Variants in MAN1A1 observed in about 807,000 individuals in gnomAD.
MAN1A1 encodes the protein mannosyl-oligosaccharide 1,2-alpha-mannosidase IA.
A neutral mutation model predicts 70.8 loss-of-function variants in MAN1A1; 29 were observed. That is an observed-to-expected ratio of 0.41 (90% confidence interval 0.31 to 0.56). MAN1A1 has a LOEUF of 0.56. MAN1A1 is among the 20% of genes least tolerant of loss of function. The pLI is 0.29. For missense variants in MAN1A1, 747 were observed against 841.3 expected (o/e 0.89, Z 1.39); for synonymous variants, 349 against 330.1 (o/e 1.06, Z -0.62).
rs182151848 is a variant in MAN1A1, at chr6:119,303,262, C to T, written c.701-1159G>A. 2.3e-3 allele frequency among the ~76,000 whole-genome samples: 345 copies of T among 152,208 alleles called. 2 individuals are homozygous for T. Among genetic ancestry groups the T allele is most frequent in the Non-Finnish European group, 3.8e-3 (261 of 68,024 alleles). The stretch of plus-strand genomic sequence containing the variant: ...CTCAAACTCCTGGCCTCAAGCAATC[C>T]TCCCACTTTGGCCTTCCAGAGTACT... On this transcript the variant is annotated intron_variant, in intron 3 of 12. Coordinates refer to ENST00000368468, the MANE Select transcript of MAN1A1 (RefSeq NM_005907.4).
At chr6:119,314,763 C>T (rs1335840052) in intron 2 of MAN1A1, among the ~76,000 whole-genome samples, 1 of 152,120 alleles carries the variant, frequency 6.6e-6, no homozygotes, top group African/African-American at 2.4e-5. Flanking sequence ...GGAGCTGGCT[C>T]AACTGAAGAC....
chr6:119,232,100 G>A (rs532558957), intron 6 of MAN1A1, among the ~76,000 whole-genome samples: 3 of 152,300 alleles, frequency 2.0e-5, no homozygotes, highest in Non-Finnish European at 2.9e-5. Flanking sequence ...GAGGCTGGGC[G>A]TGGTGGCTTA....
At chr6:119,245,893 CTT>C in intron 6 of MAN1A1, among the ~76,000 whole-genome samples, 1 of 151,908 alleles carries the variant, frequency 6.6e-6, no homozygotes. Context: ...AAAATGAAGT[CTT>C]ATAAAAAATT....
intron 3 of MAN1A1, among the ~76,000 whole-genome samples, chr6:119,303,310 C>T (rs569925074): frequency 2.0e-5 from 3 of 152,274 alleles, no homozygotes; most frequent in Admixed American, 6.5e-5. Flanking sequence ...ATGAGGCATG[C>T]ACTTAGCCTA....
intron 4 of MAN1A1, among the ~76,000 whole-genome samples, chr6:119,292,980 T>A (rs1022871): frequency 1.3e-5 from 2 of 151,852 alleles, no homozygotes; most frequent in Non-Finnish European, 2.9e-5. Context: ...TAATAAAATC[T>A]AATAAACTTA....
chr6:119,188,122 C>T lies in MAN1A1; in HGVS notation c.1719+283G>A, dbSNP rs555249413. Among the ~76,000 whole-genome samples, 152 of 152,304 alleles carry T rather than the reference C, an allele frequency of 1.0e-3. No individual in the cohort carries two copies. In the Middle Eastern group the frequency reaches 0.01, roughly 10 times the overall value. On this transcript the variant is annotated intron_variant, in intron 11 of 12. Coordinates refer to ENST00000368468, the MANE Select transcript of MAN1A1 (RefSeq NM_005907.4). ...CCCTTAGGTGGAATTAAGAGATCATCATTTTTGTATTAATGGGAACTTAAT... is the reference window on the plus strand; with the variant it reads ...CCCTTAGGTGGAATTAAGAGATCATTATTTTTGTATTAATGGGAACTTAAT...
At position 119,220,312 on chromosome 6, in the gene MAN1A1, A is replaced by G. The variant is rs575255590; in HGVS notation, c.993-15430T>C. Among the ~76,000 whole-genome samples the G allele has an allele frequency of 1.0e-4, 15 of 148,902 alleles. No individual in the cohort carries two copies. The East Asian group carries it at 1.7e-3, about 17-fold the overall frequency. On this transcript the variant is annotated intron_variant, in intron 6 of 12. Coordinates refer to ENST00000368468, the MANE Select transcript of MAN1A1 (RefSeq NM_005907.4). ...CTTAATTCCAAGAGGTAAAAACTTG[A>G]TAACACAGGAATTTATTTTACTTGG...
intron 7 of MAN1A1, 24 bp from the exon 8 acceptor site, chr6:119,201,371 C>A: frequency 6.5e-7 from 1 of 1,528,094 alleles, no homozygotes; most frequent in Non-Finnish European, 9.0e-7. Context: ...TAAAATGTTA[C>A]CGTGAAAATC....
intron 4 of MAN1A1, among the ~76,000 whole-genome samples, chr6:119,292,015 T>G (rs1772045216): frequency 1.3e-5 from 2 of 152,044 alleles, no homozygotes; most frequent in South Asian, 4.1e-4. Flanking sequence ...AGACAACTAA[T>G]AATTGGTAGA....
At chr6:119,350,431 C>T, upstream of MAN1A1, 3 of 578,976 alleles carry the variant, frequency 5.2e-6, no homozygotes, top group Non-Finnish European at 6.5e-6. Flanking sequence ...TTGCTTAGGA[C>T]TTTTTTCGTA....
At chr6:119,290,831 A>G (rs758997156) in intron 4 of MAN1A1, 68 bp from the exon 5 acceptor site, 61 of 955,240 alleles carry the variant, frequency 6.4e-5, no homozygotes, top group Non-Finnish European at 8.8e-5. Flanking sequence ...GTGATAAATT[A>G]TACTAAATAC....
chr6:119,346,130 A>G (rs898320983), intron 2 of MAN1A1, among the ~76,000 whole-genome samples: 1 of 152,124 alleles, frequency 6.6e-6, no homozygotes, highest in Non-Finnish European at 1.5e-5. Context: ...AGAAAACACA[A>G]TGGTAAAGAA....
intron 2 of MAN1A1, among the ~76,000 whole-genome samples, chr6:119,343,578 T>A (rs1347078711): frequency 6.6e-6 from 1 of 152,186 alleles, no homozygotes; most frequent in Non-Finnish European, 1.5e-5. Flanking sequence ...TAAGATATAG[T>A]TCAATCACTG....
At chr6:119,292,286 A>G (rs912676060) in intron 4 of MAN1A1, among the ~76,000 whole-genome samples, 1 of 110,174 alleles carries the variant, frequency 9.1e-6, no homozygotes, top group Admixed American at 8.6e-5. Flanking sequence ...CATTGGGCCT[A>G]CTGCACTTTT....
chr6:119,222,426 A>G (rs1414128580), intron 6 of MAN1A1, among the ~76,000 whole-genome samples: 5 of 149,428 alleles, frequency 3.3e-5, no homozygotes, highest in African/African-American at 1.2e-4. Flanking sequence ...TCTTGGGCTC[A>G]AGCAATCCTC....
At chr6:119,317,417 A>C (rs1426465068) in intron 2 of MAN1A1, among the ~76,000 whole-genome samples, 4 of 152,096 alleles carry the variant, frequency 2.6e-5, no homozygotes, top group African/African-American at 9.7e-5. Context: ...ATCCCCAGTA[A>C]TTTACTGTCT....
intron 6 of MAN1A1, among the ~76,000 whole-genome samples, chr6:119,208,899 A>C (rs527885872): frequency 6.6e-6 from 1 of 152,112 alleles, no homozygotes; most frequent in Non-Finnish European, 1.5e-5. Flanking sequence ...GTTCGAGACC[A>C]GCCTGGGCAA....
intron 5 of MAN1A1, among the ~76,000 whole-genome samples, chr6:119,260,976 G>GTTTTTTTTT (rs61169300): frequency 7.7e-5 from 9 of 116,942 alleles, no homozygotes; most frequent in East Asian, 2.3e-4. Context: ...TTTTTTTATT[G>GTTTTTTTTT]TTTTTTTTTT....
Position 119,325,582 on chromosome 6 carries a change from A to G in MAN1A1, c.604-18590T>C, listed in dbSNP as rs6922722. ...TGAGGCAGGAGAATCGCTTGAACCC[A>G]GGAGGCAGAGGTTACAGTGAGTTGA... On this transcript the variant is annotated intron_variant, in intron 2 of 12. Transcript: ENST00000368468. Among the ~76,000 whole-genome samples, 895 of 152,200 alleles carry G rather than the reference A, an allele frequency of 5.9e-3. 30 individuals carry two copies. The East Asian group carries it at 0.09, about 15-fold the overall frequency.
Sources: allele counts gnomAD v4.1 joint callset (sites outside exome capture counted in the v4.1 genomes callset), GRCh38; gene constraint gnomAD v4.1.1; transcripts MANE v1.5; gene names NCBI Gene and HGNC (gene_info 2026-07-23, HGNC 2026-07-21).